Variants in NEIL1 observed in about 807,000 individuals in gnomAD.
The protein encoded by NEIL1 is endonuclease 8-like 1.
A neutral mutation model predicts 44.2 loss-of-function variants in NEIL1; 31 were observed. The ratio of observed to expected loss-of-function variants is 0.70; its 90% CI spans 0.53 to 0.95. The LOEUF is 0.95. Among genes scored for constraint, NEIL1 ranks in the 40% least tolerant of loss-of-function variants. NEIL1 has a pLI of 0.00. For synonymous variants in NEIL1, 254 were observed against 209.7 expected (o/e 1.21, Z -1.83); for missense variants, 549 against 515.5 (o/e 1.07, Z -0.63).
Position 75,354,960 on chromosome 15 carries a change from C to T in NEIL1, c.1103-4C>T, listed in dbSNP as rs1265348544. ...GCTGACCATCTTGCCTGTTCTTCCCCCAGGCCACTGCAGACCCCGGAAGGT... is the reference window on the plus strand; with the variant it reads ...GCTGACCATCTTGCCTGTTCTTCCCTCAGGCCACTGCAGACCCCGGAAGGT... On this transcript the variant is annotated splice_region_variant and splice_polypyrimidine_tract_variant and intron_variant, in intron 9 of 9. Transcript: ENST00000355059. 6.2e-7 allele frequency: 1 copy of T among 1,614,032 alleles called. No individual in the cohort carries two copies. The highest frequency in any genetic ancestry group is 1.7e-5 in the Admixed American group (1 of 60,022).
rs1379615383 is a variant in NEIL1, at chr15:75,356,032, G to A, written c.*998G>A. 1 of 1,613,954 alleles carries A rather than the reference G, an allele frequency of 6.2e-7. No homozygotes were observed. Among genetic ancestry groups the A allele is most frequent in the Non-Finnish European group, 8.5e-7 (1 of 1,179,930 alleles). On this transcript the variant is annotated 3_prime_UTR_variant, in exon 10 of 10. Coordinates refer to ENST00000355059, the MANE Select transcript of NEIL1 (RefSeq NM_024608.4). The surrounding 1 kb of genome is among the most constrained non-coding windows in gnomAD (Gnocchi z 5.8). Reference sequence around the variant, plus strand: ...GGTCTGGTCGCTCCAAGAGATCGCAGCTGGAGAACAGGAGGGGCCATGAAG... The same window carrying A: ...GGTCTGGTCGCTCCAAGAGATCGCAACTGGAGAACAGGAGGGGCCATGAAG...
rs1170442237 is a variant in NEIL1 at position 75,356,173 on chromosome 15, T to A, written c.*1139T>A. 7 of 1,613,552 alleles carry A rather than the reference T, an allele frequency of 4.3e-6. No individual in the cohort carries two copies. The highest frequency in any genetic ancestry group is 5.1e-6 in the Non-Finnish European group (6 of 1,179,954). Reference sequence around the variant, plus strand: ...GCAGTCCACGTGGCTGCCGTGGGCCTCATACAGCCTCAGGACCAGCGAGCG... The same window carrying A: ...GCAGTCCACGTGGCTGCCGTGGGCCACATACAGCCTCAGGACCAGCGAGCG... On this transcript the variant is annotated 3_prime_UTR_variant, in exon 10 of 10. Coordinates refer to ENST00000355059, the MANE Select transcript of NEIL1 (RefSeq NM_024608.4). This position sits in a 1 kb window ranked among gnomAD's most constrained non-coding sequence, Gnocchi z 5.8.
At position 75,356,430 on chromosome 15, in the gene NEIL1, G is replaced by A. The variant is rs189934985; in HGVS notation, c.*1396G>A. On this transcript the variant is annotated 3_prime_UTR_variant, in exon 10 of 10. Transcript: ENST00000355059. The surrounding 1 kb of genome is among the most constrained non-coding windows in gnomAD (Gnocchi z 5.8). ...TTAGGCTGTAGGCAGCTTGGATAAC[G>A]CCAGCATCCTGGAAAGAGCCTGGGG... 14 of 1,604,502 alleles carry A rather than the reference G, an allele frequency of 8.7e-6. No homozygotes were observed. Among genetic ancestry groups the A allele is most frequent in the Admixed American group, 1.7e-5 (1 of 58,584 alleles).
At position 75,352,706 on chromosome 15, in the gene NEIL1, G is replaced by C. The variant is rs1364022375; in HGVS notation, c.718+5G>C. The C allele has an allele frequency of 4.4e-6, 7 of 1,603,854 alleles. No homozygotes were observed. The East Asian group carries it at 1.6e-4, about 36-fold the overall frequency. ...CCAAGGAAGTGGTCCAGTTGGGTGA[G>C]GCCAAAGATGGCAGCAACCTCTGCT... On this transcript the variant is annotated splice_donor_5th_base_variant and intron_variant, in intron 5 of 9. Transcript: ENST00000355059.
intron 2 of NEIL1, 133 bp downstream of exon 2, chr15:75,349,472 G>C: frequency 1.1e-6 from 1 of 870,634 alleles, no homozygotes; most frequent in Non-Finnish European, 1.7e-6. Flanking sequence ...GATCAAGACA[G>C]TATACCTGTC....
chr15:75,349,322 G>A lies in NEIL1; in HGVS notation c.417G>A (p.Gln139=). 2 of 1,608,056 alleles carry A rather than the reference G, an allele frequency of 1.2e-6. No homozygotes were observed. The highest frequency in any genetic ancestry group is 2.2e-5 in the East Asian group (1 of 44,792). ...CGGGCCGCGGGCCCTGTGTCTTGCA[G>A]GAGTACCAGCAGTTCAGGTAGGGCC... The part of the protein sequence containing the change: ...WQPGRGPCVL[Q]EYQQFRENVL... Residue 139 remains glutamine, a synonymous_variant, in exon 2 of 10, where the codon CAG becomes CAA. Coordinates refer to ENST00000355059, the MANE Select transcript of NEIL1 (RefSeq NM_024608.4).
At chr15:75,353,547 C>T in intron 5 of NEIL1, 192 bp from the exon 6 acceptor site, 1 of 733,072 alleles carries the variant, frequency 1.4e-6, no homozygotes, top group Non-Finnish European at 2.6e-6. Context: ...CTTAATCCCA[C>T]TCCAGGATGG....
At chr15:75,348,099 C>A in intron 1 of NEIL1, 4 of 934,774 alleles carry the variant, frequency 4.3e-6, no homozygotes, top group Non-Finnish European at 5.3e-6. Flanking sequence ...AGGCCCGGGG[C>A]AGGAGCTCGG....
At chr15:75,354,158 C>G in intron 6 of NEIL1, 92 bp from the exon 7 acceptor site, 1 of 1,404,492 alleles carries the variant, frequency 7.1e-7, no homozygotes, top group Non-Finnish European at 1.0e-6. Flanking sequence ...CTACACTGAT[C>G]TGGATGGGTG....
Position 75,356,317 on chromosome 15 carries a change from A to T in NEIL1, c.*1283A>T. 6.2e-7 allele frequency: 1 copy of T among 1,612,544 alleles called. No homozygotes were observed. The highest frequency in any genetic ancestry group is 8.5e-7 in the Non-Finnish European group (1 of 1,179,458). On this transcript the variant is annotated 3_prime_UTR_variant, in exon 10 of 10. Coordinates refer to ENST00000355059, the MANE Select transcript of NEIL1 (RefSeq NM_024608.4). This position sits in a 1 kb window ranked among gnomAD's most constrained non-coding sequence, Gnocchi z 5.8. The stretch of plus-strand genomic sequence containing the variant: ...ACCCCTTGCCTGCTTGACGGTCTCC[A>T]ATACGACCGCGGGTGAAGACACGGA...
intron 5 of NEIL1, 61 bp downstream of exon 5, chr15:75,352,762 T>C (rs2072019566): frequency 1.5e-6 from 2 of 1,374,110 alleles, no homozygotes; most frequent in East Asian, 2.5e-5. Flanking sequence ...CCTGGGGCAC[T>C]TGTCCCTCTC....
Position 75,356,075 on chromosome 15 carries a change from C to T in NEIL1, c.*1041C>T, listed in dbSNP as rs1330228166. 6 of 1,613,522 alleles carry T rather than the reference C, an allele frequency of 3.7e-6. No homozygotes were observed. Among genetic ancestry groups the T allele is most frequent in the South Asian group, 3.3e-5 (3 of 91,054 alleles). On this transcript the variant is annotated 3_prime_UTR_variant, in exon 10 of 10. Coordinates refer to ENST00000355059, the MANE Select transcript of NEIL1 (RefSeq NM_024608.4). The surrounding 1 kb of genome is among the most constrained non-coding windows in gnomAD (Gnocchi z 5.8). ...CCATGAAGGCTCTGCGAGGGCGAGACTCGACCCCCGCCCCAATCCCACACC... is the reference window on the plus strand; with the variant it reads ...CCATGAAGGCTCTGCGAGGGCGAGATTCGACCCCCGCCCCAATCCCACACC...
Position 75,357,007 on chromosome 15 carries a change from C to A in NEIL1, c.*1973C>A. On this transcript the variant is annotated 3_prime_UTR_variant, in exon 10 of 10. Coordinates refer to ENST00000355059, the MANE Select transcript of NEIL1 (RefSeq NM_024608.4). ...GCCGAGCACAAGCTCTAGAACCACA[C>A]AACTGAACTCCAGCTCCCACTGTAC... 2 of 885,190 alleles carry A rather than the reference C, an allele frequency of 2.3e-6. No homozygotes were observed. The highest frequency in any genetic ancestry group is 3.6e-6 in the Non-Finnish European group (2 of 557,930). 54.8% of individuals were successfully genotyped at this position (885,190 alleles called of 1,614,324 possible).
Position 75,354,288 on chromosome 15 carries a change from C to T in NEIL1, c.874+11C>T, listed in dbSNP as rs1224592634. Reference sequence around the variant, plus strand: ...CGTTGGCACCCAAAGGTAAGCTACTCCTAATGTAATAGGCTAAGAGAGCAG... The same window carrying T: ...CGTTGGCACCCAAAGGTAAGCTACTTCTAATGTAATAGGCTAAGAGAGCAG... On this transcript the variant is annotated intron_variant, in intron 7 of 9. Coordinates refer to ENST00000355059, the MANE Select transcript of NEIL1 (RefSeq NM_024608.4). 4 of 1,614,112 alleles carry T rather than the reference C, an allele frequency of 2.5e-6. No homozygotes were observed. Among genetic ancestry groups the T allele is most frequent in the Non-Finnish European group, 3.4e-6 (4 of 1,179,964 alleles).
At chr15:75,353,954 A>G in intron 6 of NEIL1, 88 bp downstream of exon 6, 1 of 1,546,364 alleles carries the variant, frequency 6.5e-7, no homozygotes, top group South Asian at 1.2e-5. Context: ...GGTGATGCTC[A>G]GGGTCTGTCT....
At chr15:75,347,875 G>T in intron 1 of NEIL1, 1 of 1,201,270 alleles carries the variant, frequency 8.3e-7, no homozygotes, top group South Asian at 1.4e-5. Flanking sequence ...GAGCCCTGTG[G>T]GTGCCAGGCC....
chr15:75,352,290 C>T, intron 3 of NEIL1, 34 bp from the exon 4 acceptor site: 1 of 1,614,106 alleles, frequency 6.2e-7, no homozygotes, highest in Non-Finnish European at 8.5e-7. Context: ...ACATTCCCCA[C>T]TGCCTAGCAT....
rs750349629 is a variant in NEIL1 at position 75,349,313 on chromosome 15, T to C, written c.408T>C (p.Cys136=). 1.9e-5 allele frequency: 31 copies of C among 1,609,458 alleles called. No homozygotes were observed. The highest frequency in any genetic ancestry group is 2.5e-5 in the Non-Finnish European group (30 of 1,178,240). The change falls in exon 2 of 10, where the codon TGT becomes TGC. Residue 136 remains cysteine, a synonymous_variant. Coordinates refer to ENST00000355059, the MANE Select transcript of NEIL1 (RefSeq NM_024608.4). Reference sequence around the variant, plus strand: ...AGTGGCAGCCGGGCCGCGGGCCCTGTGTCTTGCAGGAGTACCAGCAGTTCA... The same window carrying C: ...AGTGGCAGCCGGGCCGCGGGCCCTGCGTCTTGCAGGAGTACCAGCAGTTCA... ...GGKWQPGRGP[C]VLQEYQQFRE...
chr15:75,354,556 G>A, intron 8 of NEIL1, 64 bp downstream of exon 8: 1 of 1,613,376 alleles, frequency 6.2e-7, no homozygotes, highest in Non-Finnish European at 8.5e-7. Flanking sequence ...CTCCCAGGCA[G>A]CTGCCTTACC....
Sources: gnomAD v4.1 joint callset for allele counts on GRCh38, gnomAD v4.1.1 for gene constraint, Gnocchi (gnomAD v3.1) non-coding constraint, MANE v1.5 for transcripts, NCBI Gene and HGNC (gene_info 2026-07-23, HGNC 2026-07-21) for gene names.